The following CENPP variants were observed in gnomAD, a reference collection of about 807,000 sequenced individuals.
CENPP encodes the protein centromere protein P.
In CENPP, 24 loss-of-function variants were observed where a neutral mutation model predicts 35.6. The ratio of observed to expected loss-of-function variants is 0.67; its 90% confidence interval spans 0.49 to 0.95. The LOEUF is 0.95. Ranked by LOEUF, CENPP falls within the 40% of genes least tolerant of loss-of-function variation. The pLI is 0.00. For missense variants in CENPP, 332 were observed against 345.3 expected (o/e 0.96, Z 0.31); for synonymous variants, 120 against 125.5 (o/e 0.96, Z 0.29).
At chr9:92,510,035 C>T in intron 5 of CENPP, 1 of 1,587,244 alleles carries the variant, frequency 6.3e-7, no homozygotes, top group Non-Finnish European at 8.5e-7. Context: ...TCTTCAGAAG[C>T]TTAAAAAGCA....
chr9:92,360,237 T>G (rs1841710052), intron 4 of CENPP, among the ~76,000 whole-genome samples: 1 of 152,234 alleles, frequency 6.6e-6, no homozygotes, highest in South Asian at 2.1e-4. Flanking sequence ...TCTATTTAGA[T>G]TTGATACTTT....
intron 5 of CENPP, among the ~76,000 whole-genome samples, chr9:92,508,338 A>G (rs999562081): frequency 3.9e-5 from 6 of 152,232 alleles, no homozygotes; most frequent in Non-Finnish European, 5.9e-5. Context: ...AAGGTGGGCT[A>G]AGAAAGGCAG....
chr9:92,517,518 T>C (rs1038206445), intron 5 of CENPP: 1 of 861,162 alleles, frequency 1.2e-6, no homozygotes, highest in Admixed American at 2.4e-5. Context: ...TTATATCCCC[T>C]ACCATACATT....
intron 5 of CENPP, among the ~76,000 whole-genome samples, chr9:92,516,149 C>G (rs760263673): frequency 1.3e-5 from 2 of 151,692 alleles, no homozygotes; most frequent in Non-Finnish European, 2.9e-5. Context: ...CTGCACCCTC[C>G]GCCTCCCGGG....
intron 4 of CENPP, among the ~76,000 whole-genome samples, chr9:92,377,040 A>T (rs1479617346): frequency 1.3e-5 from 2 of 151,956 alleles, no homozygotes; most frequent in African/African-American, 4.8e-5. Flanking sequence ...CTCAAAAAAA[A>T]AAAAAGAAAG....
chr9:92,366,088 G>A (rs1194347623), intron 4 of CENPP, among the ~76,000 whole-genome samples: 3 of 150,650 alleles, frequency 2.0e-5, no homozygotes, highest in Non-Finnish European at 4.4e-5. Context: ...GCTGAGGCAG[G>A]AGAATGGTGT....
chr9:92,548,986 C>G (rs1428338803), intron 5 of CENPP, among the ~76,000 whole-genome samples: 2 of 152,132 alleles, frequency 1.3e-5, no homozygotes, highest in Non-Finnish European at 2.9e-5. Context: ...TCCCAAATAT[C>G]AACACTGATT....
chr9:92,551,652 T>G (rs2131326905), intron 5 of CENPP, among the ~76,000 whole-genome samples: 1 of 152,108 alleles, frequency 6.6e-6, no homozygotes, highest in East Asian at 1.9e-4. Flanking sequence ...CCCTATTTGT[T>G]GTCTTTTATC....
chr9:92,597,637 T>C (rs1328882020), intron 5 of CENPP, among the ~76,000 whole-genome samples: 1 of 152,244 alleles, frequency 6.6e-6, no homozygotes, highest in Non-Finnish European at 1.5e-5. Context: ...GTTACATTGA[T>C]ATGTGTGTGT....
At chr9:92,453,734 A>T (rs901331931) in intron 5 of CENPP, among the ~76,000 whole-genome samples, 3 of 152,224 alleles carry the variant, frequency 2.0e-5, no homozygotes, top group Non-Finnish European at 4.4e-5. Context: ...CTCTGCACCA[A>T]GCGGCAATTC....
At chr9:92,483,222 G>A (rs944697797) in intron 5 of CENPP, among the ~76,000 whole-genome samples, 2 of 151,786 alleles carry the variant, frequency 1.3e-5, no homozygotes, top group South Asian at 2.1e-4. Context: ...CTTCAAGAGA[G>A]GACAGTTTTC....
At chr9:92,379,921 A>G (rs767792775) in intron 5 of CENPP, 62 bp downstream of exon 5, 4 of 1,009,044 alleles carry the variant, frequency 4.0e-6, no homozygotes, top group Non-Finnish European at 6.3e-6. Flanking sequence ...TTAATTGAGA[A>G]TTCATCCCTA....
chr9:92,392,544 G>A (rs1029791707), intron 5 of CENPP, among the ~76,000 whole-genome samples: 32 of 151,730 alleles, frequency 2.1e-4, no homozygotes, highest in African/African-American at 7.0e-4. Flanking sequence ...AAACCTGGGA[G>A]ACAGAGGTTG....
chr9:92,429,816 TCA>T (rs1844060494), intron 5 of CENPP, among the ~76,000 whole-genome samples: 1 of 152,004 alleles, frequency 6.6e-6, no homozygotes, highest in Non-Finnish European at 1.5e-5. Flanking sequence ...ATCATCATCA[TCA>T]TCATCTTGTC....
At chr9:92,428,799 G>A (rs1844031252) in intron 5 of CENPP, among the ~76,000 whole-genome samples, 1 of 152,072 alleles carries the variant, frequency 6.6e-6, no homozygotes, top group African/African-American at 2.4e-5. Flanking sequence ...GGGATGATCT[G>A]ACCTTGGCCT....
chr9:92,547,096 T>G (rs1476415636), intron 5 of CENPP, among the ~76,000 whole-genome samples: 1 of 152,192 alleles, frequency 6.6e-6, no homozygotes, highest in Admixed American at 6.5e-5. Context: ...CTGGGTTTAT[T>G]CAAGAACTAG....
At chr9:92,601,835 C>T (rs1273215396) in intron 5 of CENPP, among the ~76,000 whole-genome samples, 3 of 152,298 alleles carry the variant, frequency 2.0e-5, no homozygotes, top group Non-Finnish European at 2.9e-5. Context: ...TGGGAGAGCT[C>T]GTGCCTGCGT....
At chr9:92,522,491 C>T in intron 5 of CENPP, 9 of 1,266,802 alleles carry the variant, frequency 7.1e-6, no homozygotes, top group South Asian at 3.9e-5. Flanking sequence ...GATGTTCTCC[C>T]TCTCTCCCTC....
At chr9:92,455,565 G>C (rs1297531788) in intron 5 of CENPP, among the ~76,000 whole-genome samples, 1 of 152,038 alleles carries the variant, frequency 6.6e-6, no homozygotes, top group Non-Finnish European at 1.5e-5. Context: ...CCACTGTGAA[G>C]AATAAGACTT....
Sources: allele counts gnomAD v4.1 joint callset (sites outside exome capture counted in the v4.1 genomes callset), GRCh38; gene constraint gnomAD v4.1.1; transcripts MANE v1.5; gene names NCBI Gene and HGNC (gene_info 2026-07-23, HGNC 2026-07-21).